SLCO1B1: variants seen among roughly 807,000 people sequenced by gnomAD.
SLCO1B1 encodes OATP-2.
Under a neutral mutation model 70.1 loss-of-function variants are expected in SLCO1B1, and 81 were observed. The ratio of observed to expected loss-of-function variants is 1.16; its 90% CI spans 0.97 to 1.39. The LOEUF (loss-of-function observed/expected upper bound fraction) is 1.39, where lower values mean the gene tolerates loss of function less well. Among genes scored for constraint, SLCO1B1 ranks in the 40% most tolerant of loss-of-function variants. The pLI, the probability that SLCO1B1 is intolerant of heterozygous loss-of-function variation, is 0.00. For missense variants in SLCO1B1, 895 were observed against 799.6 expected (o/e 1.12, Z -1.44); for synonymous variants, 283 against 271.5 (o/e 1.04, Z -0.42).
intron 4 of SLCO1B1, among the ~76,000 whole-genome samples, chr12:21,176,313 A>G (rs936641349): frequency 7.9e-5 from 12 of 152,186 alleles, no homozygotes; most frequent in African/African-American, 2.9e-4. Flanking sequence ...GTTTTCTCTC[A>G]TCTAGTTGAA....
intron 14 of SLCO1B1, among the ~76,000 whole-genome samples, chr12:21,235,335 G>C (rs1281017547): frequency 4.0e-5 from 6 of 150,526 alleles, no homozygotes; most frequent in African/African-American, 1.5e-4. Context: ...TTTGTTTAAG[G>C]TCTGTTTTAT....
rs535019474 is a variant in SLCO1B1, at chr12:21,132,494, C to T, written c.-62+1258C>T. On this transcript the variant is annotated intron_variant, in intron 1 of 14. Coordinates refer to ENST00000256958, the MANE Select transcript of SLCO1B1 (RefSeq NM_006446.5). ...CTATTTCTCCACATCCTCTCCAGCA[C>T]CTGTTGTTTCCTGACTTTTTAATGA... is the stretch of plus-strand genomic sequence containing the variant. 2.0e-3 allele frequency among the ~76,000 whole-genome samples: 304 copies of T among 152,226 alleles called. 1 individual carries two copies. The highest frequency in any genetic ancestry group is 3.4e-3 in the Non-Finnish European group (231 of 68,020).
chr12:21,179,466 C>T (rs1220242531), intron 7 of SLCO1B1, among the ~76,000 whole-genome samples: 3 of 152,092 alleles, frequency 2.0e-5, no homozygotes, highest in Admixed American at 6.6e-5. Context: ...GTCATTTTCC[C>T]TGGTCCTAGC....
At chr12:21,132,742 A>G (rs1448337314) in intron 1 of SLCO1B1, among the ~76,000 whole-genome samples, 1 of 152,202 alleles carries the variant, frequency 6.6e-6, no homozygotes, top group Non-Finnish European at 1.5e-5. Flanking sequence ...GCCTTTTGTC[A>G]GATGAGTAGG....
chr12:21,217,505 T>C lies in SLCO1B1; in HGVS notation c.1682+202T>C, dbSNP rs573687815. 1.7e-4 allele frequency among the ~76,000 whole-genome samples: 26 copies of C among 152,258 alleles called. 2 individuals are homozygous for C. The highest frequency in any genetic ancestry group is 3.2e-4 in the Non-Finnish European group (22 of 68,000). ...TTGCCTCTAATTCTTCCATTAAAAG[T>C]CCAGATTCCATACGTTTCTTCTCTT... On this transcript the variant is annotated intron_variant, in intron 12 of 14. Coordinates refer to ENST00000256958, the MANE Select transcript of SLCO1B1 (RefSeq NM_006446.5).
At position 21,179,040 on chromosome 12, in the gene SLCO1B1, G is replaced by GAAGAGT; in HGVS notation, c.727+20_727+21insAAGAGT. 1 of 1,472,042 alleles carries GAAGAGT rather than the reference G, an allele frequency of 6.8e-7. No homozygotes were observed. Among genetic ancestry groups the GAAGAGT allele is most frequent in the Non-Finnish European group, 9.5e-7 (1 of 1,051,518 alleles). 91.2% of individuals were successfully genotyped at this position (1,472,042 alleles called of 1,614,324 possible). ...ATCTAAGTAAGTACAACCAGAACAA[G>GAAGAGT]GTACCATGATAACGTCTTTCTAAGC... On this transcript the variant is annotated intron_variant, in intron 7 of 14. Coordinates refer to ENST00000256958, the MANE Select transcript of SLCO1B1 (RefSeq NM_006446.5).
chr12:21,202,746 G>A (rs1319461797), intron 10 of SLCO1B1, 60 bp downstream of exon 10: 1 of 1,340,004 alleles, frequency 7.5e-7, no homozygotes, highest in Non-Finnish European at 1.1e-6. Flanking sequence ...AAGAGTCTCT[G>A]TATAAGTAAT....
intron 2 of SLCO1B1, chr12:21,164,870 A>G: frequency 2.1e-6 from 1 of 483,502 alleles, no homozygotes; most frequent in South Asian, 1.5e-5. Context: ...ACTTATGGCA[A>G]TTATAAAACT....
intron 14 of SLCO1B1, among the ~76,000 whole-genome samples, chr12:21,235,296 G>A (rs1363129345): frequency 6.6e-6 from 1 of 151,120 alleles, no homozygotes; most frequent in African/African-American, 2.4e-5. Flanking sequence ...ATTATGTAAT[G>A]CACTTACTTG....
In SLCO1B1 at chr12:21,154,318, C is replaced by T. The variant is rs191826297; in HGVS notation, c.84+12660C>T. The stretch of plus-strand genomic sequence containing the variant: ...AGTCCTCATGAACAAAATTAGTGTC[C>T]TTATGAAAGAGACCCAATAGAGCTT... On this transcript the variant is annotated intron_variant, in intron 2 of 14. Coordinates refer to ENST00000256958, the MANE Select transcript of SLCO1B1 (RefSeq NM_006446.5). 5.5e-3 allele frequency among the ~76,000 whole-genome samples: 836 copies of T among 152,042 alleles called. 4 individuals are homozygous for T. The highest frequency in any genetic ancestry group is 0.01 in the Middle Eastern group (3 of 294).
intron 2 of SLCO1B1, 49 bp downstream of exon 2, chr12:21,141,707 T>C (rs1288445030): frequency 8.6e-7 from 1 of 1,166,906 alleles, no homozygotes; most frequent in Non-Finnish European, 1.3e-6. Context: ...ATAGGGAACT[T>C]TAATGTATAG....
At position 21,239,367 on chromosome 12, in the gene SLCO1B1, A is replaced by G; in HGVS notation, c.*178A>G. The G allele has an allele frequency of 1.7e-6, 1 of 596,954 alleles. No individual in the cohort carries two copies. The highest frequency in any genetic ancestry group is 1.8e-5 in the African/African-American group (1 of 54,430). 37.0% of individuals were successfully genotyped at this position (596,954 alleles called of 1,614,324 possible). ...AAACAAACTGTAGGTAGAAAAAATG[A>G]GAGTACTCATTGTTACATTATAGCT... On this transcript the variant is annotated 3_prime_UTR_variant, in exon 15 of 15. Transcript: ENST00000256958.
chr12:21,197,821 T>A (rs1941111731), intron 8 of SLCO1B1, among the ~76,000 whole-genome samples: 1 of 152,102 alleles, frequency 6.6e-6, no homozygotes, highest in Admixed American at 6.6e-5. Flanking sequence ...AAGGTGGTAG[T>A]TAAGATAATT....
At chr12:21,155,436 A>T (rs112464104) in intron 2 of SLCO1B1, among the ~76,000 whole-genome samples, 1 of 151,262 alleles carries the variant, frequency 6.6e-6, no homozygotes, top group African/African-American at 2.4e-5. Flanking sequence ...CTTTTCTTAT[A>T]TATTTTGTGT....
At position 21,197,092 on chromosome 12, in the gene SLCO1B1, G is replaced by T; in HGVS notation, c.874G>T (p.Ala292Ser). The T allele has an allele frequency of 1.9e-6, 3 of 1,613,540 alleles. No individual in the cohort carries two copies. Among genetic ancestry groups the T allele is most frequent in the Non-Finnish European group, 8.5e-7 (1 of 1,179,700 alleles). ...AAATAAACCACAAAAAGAAAGAAAA[G>T]CTTCACTGTCTTTGCATGTGCTGGA... Reference protein sequence around the residue: ...TPNKPQKERKASLSLHVLETN... With the variant: ...TPNKPQKERKSSLSLHVLETN... Residue 292 changes from alanine to serine, a missense_variant, in exon 8 of 15, where the codon GCT becomes TCT. By Grantham distance (99) the Ala-to-Ser change is moderately conservative (BLOSUM62 1). Coordinates refer to ENST00000256958, the MANE Select transcript of SLCO1B1 (RefSeq NM_006446.5).
rs1941141957 is a variant in SLCO1B1, at chr12:21,200,356, T to C, written c.971-152T>C. 8.9e-6 allele frequency: 4 copies of C among 451,284 alleles called. No homozygotes were observed. The East Asian group carries it at 1.3e-4, about 15-fold the overall frequency. The allele number at this position is 451,284 out of a possible 1,614,324, so 28.0% of individuals were successfully genotyped here. Reference sequence around the variant, plus strand: ...ATTGAAAGAATATATTTAAAAGCTGTGAACAGCCTGTGGTATTGCAGGCTA... The same window carrying C: ...ATTGAAAGAATATATTTAAAAGCTGCGAACAGCCTGTGGTATTGCAGGCTA... On this transcript the variant is annotated intron_variant, in intron 8 of 14. Transcript: ENST00000256958.
chr12:21,150,460 G>A (rs1042679681), intron 2 of SLCO1B1, among the ~76,000 whole-genome samples: 2 of 152,066 alleles, frequency 1.3e-5, no homozygotes, highest in Non-Finnish European at 2.9e-5. Context: ...CTGGCATCTG[G>A]TGGGTGCCCC....
intron 2 of SLCO1B1, among the ~76,000 whole-genome samples, chr12:21,150,105 C>CTCT (rs1565666597): frequency 3.3e-5 from 5 of 152,156 alleles, no homozygotes; most frequent in African/African-American, 1.2e-4. Flanking sequence ...GAGCCCACCG[C>CTCT]AGCTCCACAA....
intron 2 of SLCO1B1, among the ~76,000 whole-genome samples, chr12:21,154,218 A>C (rs1940510739): frequency 6.6e-6 from 1 of 152,122 alleles, no homozygotes; most frequent in African/African-American, 2.4e-5. Flanking sequence ...CCAAATTTGT[A>C]TGTCGAGTCA....
Sources: gnomAD v4.1 joint callset for allele counts (sites outside exome capture counted in the v4.1 genomes callset) on GRCh38, gnomAD v4.1.1 for gene constraint, MANE v1.5 for transcripts, NCBI Gene and HGNC (gene_info 2026-07-23, HGNC 2026-07-21) for gene names.